Variants in GLB1L3 observed in about 807,000 individuals in gnomAD.
GLB1L3 encodes the protein beta-galactosidase-1-like protein 3.
In GLB1L3, 89 loss-of-function variants were observed where a neutral mutation model predicts 89.5. That is an observed-to-expected ratio of 0.99 (90% CI 0.84 to 1.19). The LOEUF (loss-of-function observed/expected upper bound fraction) is 1.19. Among genes scored for constraint, GLB1L3 ranks in the 50% most tolerant of loss-of-function variants. The pLI is 0.00. For missense variants in GLB1L3, 812 were observed against 813.3 expected (o/e 1.00, Z 0.02); for synonymous variants, 314 against 312.3 (o/e 1.01, Z -0.06).
chr11:134,311,773 C>G (rs1942743918), intron 13 of GLB1L3: 1 of 152,464 alleles, frequency 6.6e-6, no homozygotes, highest in Non-Finnish European at 1.5e-5. Flanking sequence ...TGCTAGACTT[C>G]AACTATTTTA....
intron 13 of GLB1L3, 183 bp from the exon 14 acceptor site, chr11:134,312,166 T>A: frequency 1.6e-6 from 1 of 614,472 alleles, no homozygotes; most frequent in Non-Finnish European, 2.8e-6. Flanking sequence ...TGCATTTCCC[T>A]GAGTTTCCTT....
At chr11:134,302,224 G>A (rs1396271036) in intron 9 of GLB1L3, among the ~76,000 whole-genome samples, 2 of 152,142 alleles carry the variant, frequency 1.3e-5, no homozygotes, top group Non-Finnish European at 2.9e-5. Flanking sequence ...TGTTGCTTCT[G>A]TAGAATACAA....
rs923150328 is a variant in GLB1L3, at chr11:134,312,293, G to A, written c.1288-56G>A. ...GGACCAAATGACAGGGTCTTAGGAA[G>A]GAGGATCCTGACTGCTCAGCCCTTG... On this transcript the variant is annotated intron_variant, in intron 13 of 19. Transcript: ENST00000431683. The A allele has an allele frequency of 9.4e-6, 15 of 1,590,976 alleles. No individual in the cohort carries two copies. In the African/African-American group the frequency reaches 1.9e-4, roughly 20 times the overall value.
chr11:134,312,724 T>A, intron 14 of GLB1L3, 92 bp from the exon 15 acceptor site: 1 of 1,107,390 alleles, frequency 9.0e-7, no homozygotes, highest in Non-Finnish European at 1.3e-6. Context: ...GGTCCCTGCC[T>A]TCATACTGAC....
intron 6 of GLB1L3, 130 bp from the exon 7 acceptor site, chr11:134,288,668 G>T (rs891626762): frequency 3.3e-6 from 2 of 615,026 alleles, no homozygotes; most frequent in Non-Finnish European, 5.6e-6. Context: ...GGAGCAGAGC[G>T]TGCAGACCAC....
At chr11:134,277,641 A>G (rs1166322349) in intron 2 of GLB1L3, 59 bp from the exon 3 acceptor site, 17 of 1,554,378 alleles carry the variant, frequency 1.1e-5, no homozygotes, top group Non-Finnish European at 1.5e-5. Context: ...CGTGCCTCCG[A>G]GCCCTCTCCC....
At chr11:134,317,117 C>G (rs1343285704) in intron 18 of GLB1L3, 1 of 152,168 alleles carries the variant, frequency 6.6e-6, no homozygotes, top group Admixed American at 6.5e-5. Context: ...TTTGTGGATT[C>G]TTGGTACTGT....
In GLB1L3 at chr11:134,314,343, A is replaced by G; in HGVS notation, c.1681A>G (p.Thr561Ala). 1 of 1,548,472 alleles carries G rather than the reference A, an allele frequency of 6.5e-7. No homozygotes were observed. The highest frequency in any genetic ancestry group is 1.2e-5 in the South Asian group (1 of 83,486). Residue 561 changes from threonine (T) to alanine (A), a missense_variant, in exon 18 of 20, where the codon ACC (threonine) becomes GCC (alanine). Physicochemically the swap from Thr to Ala is moderately conservative, Grantham distance 58. Around this residue, in one of 3 missense-constraint regions of GLB1L3, gnomAD observed 618 missense variants for 604.0 expected, o/e 1.02. Coordinates refer to ENST00000431683, the MANE Select transcript of GLB1L3 (RefSeq NM_001080407.3). ...CCTTTCTTCCAGGCTCCGCTCTGCC[A>G]CCTGGAAGCCTGTCCCAGACAGCCA... Reference protein sequence around the residue: ...MSFFERLRSATWKPVPDSHQG... With the variant: ...MSFFERLRSAAWKPVPDSHQG...
intron 9 of GLB1L3, among the ~76,000 whole-genome samples, chr11:134,302,918 T>A (rs1942020878): frequency 6.6e-6 from 1 of 152,194 alleles, no homozygotes; most frequent in Non-Finnish European, 1.5e-5. Context: ...GAAAGAGATG[T>A]GTTAATATTT....
At chr11:134,308,446 T>TGTC (rs1942458218) in intron 10 of GLB1L3, among the ~76,000 whole-genome samples, 3 of 16,862 alleles carry the variant, frequency 1.8e-4, no homozygotes, top group South Asian at 3.0e-3. Context: ...ACCACCACCA[T>TGTC]CACCACCACC....
At chr11:134,300,339 T>G (rs1941873659) in intron 9 of GLB1L3, among the ~76,000 whole-genome samples, 1 of 151,118 alleles carries the variant, frequency 6.6e-6, no homozygotes, top group Non-Finnish European at 1.5e-5. Context: ...ACATTTTTTT[T>G]TTTTTTTTTT....
chr11:134,314,326 C>T lies in GLB1L3; in HGVS notation c.1668-4C>T, dbSNP rs1213156169. The stretch of plus-strand genomic sequence containing the variant: ...TCTCCCCCATGGCTTGGCCTTTCTT[C>T]CAGGCTCCGCTCTGCCACCTGGAAG... On this transcript the variant is annotated splice_region_variant and splice_polypyrimidine_tract_variant and intron_variant, in intron 17 of 19. Coordinates refer to ENST00000431683, the MANE Select transcript of GLB1L3 (RefSeq NM_001080407.3). The T allele has an allele frequency of 1.3e-6, 2 of 1,541,792 alleles. No individual in the cohort carries two copies. Among genetic ancestry groups the T allele is most frequent in the Non-Finnish European group, 1.8e-6 (2 of 1,142,658 alleles).
intron 9 of GLB1L3, among the ~76,000 whole-genome samples, chr11:134,304,739 A>G (rs1347560681): frequency 1.3e-5 from 2 of 152,066 alleles, no homozygotes; most frequent in African/African-American, 4.8e-5. Context: ...CTCTCCATTT[A>G]TAGAGGTGAT....
chr11:134,320,153 CA>C (rs747929664), downstream of GLB1L3, among the ~76,000 whole-genome samples: 4 of 152,090 alleles, frequency 2.6e-5, no homozygotes, highest in Admixed American at 6.5e-5. Context: ...GCACTATAAG[CA>C]AATCTTATCA....
At chr11:134,294,470 GTCT>G (rs1281979544) in intron 9 of GLB1L3, among the ~76,000 whole-genome samples, 1 of 152,206 alleles carries the variant, frequency 6.6e-6, no homozygotes, top group Non-Finnish European at 1.5e-5. Context: ...CCTTTGCTAA[GTCT>G]TCTTCCTTTT....
rs372940179 is a variant in GLB1L3, at chr11:134,277,913, G to T, written c.362+1G>T. 33 of 1,613,552 alleles carry T rather than the reference G, an allele frequency of 2.0e-5. No homozygotes were observed. The African/African-American group carries it at 3.3e-4, about 16-fold the overall frequency. ...CCTGTGGCTTCAATACTGTCACCAC[G>T]TGAGTGCCGGCCCCTCACCTCCAGG... On this transcript the variant is annotated splice_donor_variant, in intron 3 of 19. Coordinates refer to ENST00000431683, the MANE Select transcript of GLB1L3 (RefSeq NM_001080407.3). LOFTEE classifies it high-confidence loss of function.
In GLB1L3 at chr11:134,314,327, C is replaced by G; in HGVS notation, c.1668-3C>G. 1 of 1,542,496 alleles carries G rather than the reference C, an allele frequency of 6.5e-7. No homozygotes were observed. The highest frequency in any genetic ancestry group is 8.7e-7 in the Non-Finnish European group (1 of 1,143,200). On this transcript the variant is annotated splice_region_variant and splice_polypyrimidine_tract_variant and intron_variant, in intron 17 of 19. Transcript: ENST00000431683. ...CTCCCCCATGGCTTGGCCTTTCTTCCAGGCTCCGCTCTGCCACCTGGAAGC... is the reference window on the plus strand; with the variant it reads ...CTCCCCCATGGCTTGGCCTTTCTTCGAGGCTCCGCTCTGCCACCTGGAAGC...
chr11:134,301,104 T>C (rs987155229), intron 9 of GLB1L3, among the ~76,000 whole-genome samples: 1 of 152,164 alleles, frequency 6.6e-6, no homozygotes, highest in Non-Finnish European at 1.5e-5. Context: ...TTTAATATGA[T>C]CTATTTGTGT....
intron 18 of GLB1L3, among the ~76,000 whole-genome samples, chr11:134,316,459 A>T (rs1001635380): frequency 1.8e-4 from 28 of 152,158 alleles, no homozygotes; most frequent in Admixed American, 1.4e-3. Flanking sequence ...TATTAGTTGG[A>T]TAATTGCTGC....
Sources: allele counts gnomAD v4.1 joint callset (sites outside exome capture counted in the v4.1 genomes callset), GRCh38; gene constraint gnomAD v4.1.1; regional missense constraint gnomAD v4.1.1; transcripts MANE v1.5; gene names NCBI Gene and HGNC (gene_info 2026-07-23, HGNC 2026-07-21).